Variants in AKAP13 observed in about 807,000 individuals in gnomAD.
AKAP13 encodes A-kinase anchor protein 13.
Under a neutral mutation model 264.5 loss-of-function variants are expected in AKAP13, and 80 were observed. The ratio of observed to expected loss-of-function variants is 0.30; its 90% confidence interval spans 0.25 to 0.36. The LOEUF (loss-of-function observed/expected upper bound fraction) is 0.36. Ranked by LOEUF, AKAP13 falls within the 10% of genes least tolerant of loss-of-function variation. AKAP13 has a pLI of 1.00. For missense variants in AKAP13, 3,712 were observed against 3,435.2 expected (o/e 1.08, Z -2.01); for synonymous variants, 1,380 against 1,250.2 (o/e 1.10, Z -2.19).
At chr15:85,686,436 T>A (rs2084934060) in intron 16 of AKAP13, among the ~76,000 whole-genome samples, 1 of 152,136 alleles carries the variant, frequency 6.6e-6, no homozygotes, top group Non-Finnish European at 1.5e-5. Context: ...GCAAATACAT[T>A]CAAAGAAATT....
chr15:85,425,896 G>T (rs2072755127), intron 1 of AKAP13, among the ~76,000 whole-genome samples: 1 of 151,062 alleles, frequency 6.6e-6, no homozygotes, highest in Non-Finnish European at 1.5e-5. Context: ...TCAGAAACAA[G>T]ATCGGTTTAA....
At position 85,736,081 on chromosome 15, in the gene AKAP13, G is replaced by T. The variant is rs770643991; in HGVS notation, c.7513-9G>T. On this transcript the variant is annotated splice_polypyrimidine_tract_variant and intron_variant, in intron 32 of 36. Coordinates refer to ENST00000394518, the MANE Select transcript of AKAP13 (RefSeq NM_007200.5). ...TCATTTTTTTATATGTATGTTTTTT[G>T]TTTTATAGGGTGGAAATGCTAACCT... The T allele has an allele frequency of 2.5e-6, 4 of 1,595,346 alleles. No individual in the cohort carries two copies. In the South Asian group the frequency reaches 4.4e-5, roughly 18 times the overall value.
intron 4 of AKAP13, chr15:85,536,150 T>C (rs1163916468): frequency 6.6e-6 from 1 of 152,206 alleles, no homozygotes; most frequent in Non-Finnish European, 1.5e-5. Context: ...AGGAGGGAAT[T>C]GGCCAGCTTT....
chr15:85,651,499 CCAGT>C (rs1257822816), intron 10 of AKAP13: 1 of 152,078 alleles, frequency 6.6e-6, no homozygotes. Context: ...CTTGAGGGTA[CCAGT>C]CAGTGACTTT....
At chr15:85,508,003 T>A (rs2076291332) in intron 2 of AKAP13, among the ~76,000 whole-genome samples, 1 of 152,188 alleles carries the variant, frequency 6.6e-6, no homozygotes, top group Non-Finnish European at 1.5e-5. Context: ...CCTCCTTTTC[T>A]CTGTGGCATT....
intron 5 of AKAP13, among the ~76,000 whole-genome samples, chr15:85,558,318 T>G (rs995040708): frequency 6.6e-6 from 1 of 152,228 alleles, no homozygotes; most frequent in Non-Finnish European, 1.5e-5. Context: ...GAGGACCTAT[T>G]TTATTAATGT....
At chr15:85,669,597 C>CT (rs2151564030) in intron 13 of AKAP13, 125 bp from the exon 14 acceptor site, 1 of 620,360 alleles carries the variant, frequency 1.6e-6, no homozygotes, top group East Asian at 3.2e-5. Flanking sequence ...ACCACAAGGC[C>CT]TGTGCTCTCA....
chr15:85,668,830 C>CT (rs1474394316), intron 13 of AKAP13, among the ~76,000 whole-genome samples: 1 of 152,182 alleles, frequency 6.6e-6, no homozygotes, highest in Non-Finnish European at 1.5e-5. Context: ...GTAATCCCAG[C>CT]TACTCAGGAG....
At chr15:85,544,242 C>A (rs1412991217) in intron 5 of AKAP13, 1 of 518,292 alleles carries the variant, frequency 1.9e-6, no homozygotes, top group African/African-American at 1.9e-5. Context: ...CAGAATGAGC[C>A]TTGTCTGTGG....
At chr15:85,644,162 G>A (rs2082435854) in intron 9 of AKAP13, among the ~76,000 whole-genome samples, 1 of 151,584 alleles carries the variant, frequency 6.6e-6, no homozygotes, top group Admixed American at 6.6e-5. Flanking sequence ...ATTTGATAAA[G>A]CATGCCTACC....
Position 85,562,740 on chromosome 15 carries a change from C to T in AKAP13, c.663-12391C>T, listed in dbSNP as rs186219868. 3.6e-3 allele frequency among the ~76,000 whole-genome samples: 475 copies of T among 133,218 alleles called. 3 individuals are homozygous for T. Among genetic ancestry groups the T allele is most frequent in the Admixed American group, 5.0e-3 (63 of 12,684 alleles). 87.4% of individuals were successfully genotyped at this position (133,218 alleles called of 152,430 possible). A position where few individuals can be genotyped will look rare whatever the true frequency, so the allele number is the denominator to read the frequency against. On this transcript the variant is annotated intron_variant, in intron 5 of 36. Coordinates refer to ENST00000394518, the MANE Select transcript of AKAP13 (RefSeq NM_007200.5). ...GACTGAATTTCCCTCTTGTTGCCCA[C>T]GCTGGAGTGCAATGGCGCGACCTCG... is the stretch of plus-strand genomic sequence containing the variant.
chr15:85,734,434 C>T (rs2088290230), intron 30 of AKAP13, among the ~76,000 whole-genome samples: 1 of 152,106 alleles, frequency 6.6e-6, no homozygotes, highest in African/African-American at 2.4e-5. Context: ...TTGGTTCCCT[C>T]CCTTATTCCA....
intron 8 of AKAP13, chr15:85,620,174 TA>T: frequency 6.5e-7 from 1 of 1,535,926 alleles, no homozygotes; most frequent in South Asian, 1.2e-5. Flanking sequence ...TTGCTGAAGG[TA>T]AGGGGGGCTG....
chr15:85,401,983 G>C (rs1054044842), intron 1 of AKAP13, among the ~76,000 whole-genome samples: 1 of 152,216 alleles, frequency 6.6e-6, no homozygotes, highest in African/African-American at 2.4e-5. Context: ...AAACTTGTTA[G>C]TGAACAGACA....
Position 85,747,661 on chromosome 15 carries a change from C to CA in AKAP13, c.*2986dup, listed in dbSNP as rs1567231228. On this transcript the variant is annotated 3_prime_UTR_variant, in exon 37 of 37. Transcript: ENST00000394518. ...TCATCGGTTGGCTTCATTTTCAAGA[C>CA]AATCAAATGTATTGACTGTGTTTTC... is the stretch of plus-strand genomic sequence containing the variant. 6.6e-6 allele frequency: 1 copy of CA among 152,614 alleles called. No individual in the cohort carries two copies. The highest frequency in any genetic ancestry group is 2.4e-5 in the African/African-American group (1 of 41,438). 9.5% of individuals were successfully genotyped at this position (152,614 alleles called of 1,614,324 possible). A position where few individuals can be genotyped will look rare whatever the true frequency, so the allele number is the denominator to read the frequency against.
intron 1 of AKAP13, among the ~76,000 whole-genome samples, chr15:85,482,800 G>C (rs750283): frequency 0.056 from 8,464 of 152,166 alleles, 392 homozygotes; most frequent in East Asian, 0.16. Flanking sequence ...TGTCTTTCCC[G>C]TTGTGTGCCA....
chr15:85,401,308 G>T (rs201447908), intron 1 of AKAP13, among the ~76,000 whole-genome samples: 1 of 152,146 alleles, frequency 6.6e-6, no homozygotes, highest in Non-Finnish European at 1.5e-5. Context: ...TTATTGAACT[G>T]TTAGTTTCGT....
chr15:85,665,528 A>T (rs2083545920), intron 13 of AKAP13, among the ~76,000 whole-genome samples: 2 of 152,238 alleles, frequency 1.3e-5, no homozygotes, highest in East Asian at 1.9e-4. Flanking sequence ...TTCTTTTTTT[A>T]AAAAATTATT....
chr15:85,465,570 C>G (rs1228523994), intron 1 of AKAP13, among the ~76,000 whole-genome samples: 1 of 143,278 alleles, frequency 7.0e-6, no homozygotes, highest in Non-Finnish European at 1.5e-5. Flanking sequence ...TCTCATTGTT[C>G]AGTTCCCACC....
Sources: gnomAD v4.1 joint callset for allele counts (sites outside exome capture counted in the v4.1 genomes callset) on GRCh38, gnomAD v4.1.1 for gene constraint, MANE v1.5 for transcripts, NCBI Gene and HGNC (gene_info 2026-07-23, HGNC 2026-07-21) for gene names.